RB1: variants seen among roughly 807,000 people sequenced by gnomAD.
RB1 encodes the protein RB transcriptional corepressor 1.
A neutral mutation model predicts 135.4 loss-of-function variants in RB1; 18 were observed. The ratio of observed to expected loss-of-function variants is 0.13; its 90% CI spans 0.09 to 0.20. The LOEUF is 0.20. RB1 is among the 10% of genes least tolerant of loss of function. RB1 has a pLI of 1.00. For missense variants in RB1, 868 were observed against 1,110.0 expected, an observed-to-expected ratio of 0.78 and a Z score of 3.10; for synonymous variants, 365 against 373.2, an observed-to-expected ratio of 0.98 and a Z score of 0.25.
In RB1 at chr13:48,422,005, G is replaced by T. The variant is rs146268938; in HGVS notation, c.1696-30988G>T. On this transcript the variant is annotated intron_variant, in intron 17 of 26. Transcript: ENST00000267163. ...CCAGAAATACCATTTGACCCAGCAAGCCCATTACTGGGTATATACCCAAAG... is the reference window on the plus strand; with the variant it reads ...CCAGAAATACCATTTGACCCAGCAATCCCATTACTGGGTATATACCCAAAG... Among the ~76,000 whole-genome samples the T allele has an allele frequency of 7.9e-3, 1,197 of 152,162 alleles. 21 individuals carry two copies. The highest frequency in any genetic ancestry group is 6.4e-3 in the Non-Finnish European group (434 of 67,996).
At chr13:48,329,182 T>A (rs1307018795) in intron 2 of RB1, among the ~76,000 whole-genome samples, 1 of 152,230 alleles carries the variant, frequency 6.6e-6, no homozygotes, top group Non-Finnish European at 1.5e-5. Flanking sequence ...TTTCTACTTA[T>A]GTTCCTGTTT....
intron 2 of RB1, among the ~76,000 whole-genome samples, chr13:48,337,487 G>C (rs1333633937): frequency 6.6e-6 from 1 of 152,158 alleles, no homozygotes; most frequent in East Asian, 1.9e-4. Context: ...TTTTATCAGA[G>C]ACTAGGATTG....
rs112309527 is a variant in RB1, at chr13:48,417,904, G to C, written c.1696-35089G>C. On this transcript the variant is annotated intron_variant, in intron 17 of 26. Coordinates refer to ENST00000267163, the MANE Select transcript of RB1 (RefSeq NM_000321.3). ...GAAAAGACCAAACCTATGTTTGATTGTCCCTGTACCTGAAAGTGACAGGGA... is the reference window on the plus strand; with the variant it reads ...GAAAAGACCAAACCTATGTTTGATTCTCCCTGTACCTGAAAGTGACAGGGA... Among the ~76,000 whole-genome samples, 15 of 152,298 alleles carry C rather than the reference G, an allele frequency of 9.8e-5. No individual in the cohort carries two copies. The South Asian group carries it at 3.1e-3, about 32-fold the overall frequency.
At chr13:48,409,259 GA>G (rs1276511089) in intron 17 of RB1, among the ~76,000 whole-genome samples, 1 of 150,082 alleles carries the variant, frequency 6.7e-6, no homozygotes, top group Admixed American at 6.7e-5. Context: ...AGGCATTAAA[GA>G]TGTATTTTGC....
intron 17 of RB1, among the ~76,000 whole-genome samples, chr13:48,443,236 GA>G (rs1398711466): frequency 6.6e-6 from 1 of 151,272 alleles, no homozygotes; most frequent in Admixed American, 6.6e-5. Flanking sequence ...TTTTAGCTAA[GA>G]AAAAAGATTC....
At chr13:48,376,535 C>T (rs1952826627) in intron 12 of RB1, among the ~76,000 whole-genome samples, 1 of 151,138 alleles carries the variant, frequency 6.6e-6, no homozygotes, top group South Asian at 2.1e-4. Flanking sequence ...TAAATGATAC[C>T]AAGCTCAAGC....
intron 4 of RB1, among the ~76,000 whole-genome samples, chr13:48,346,370 ATGTGTGTG>A (rs61503219): frequency 0.054 from 7,075 of 131,050 alleles, 435 homozygotes; most frequent in African/African-American, 0.15. Context: ...TATTATATAT[ATGTGTGTG>A]TGTGTGTGTG....
In RB1 at chr13:48,474,375, C is replaced by T. The variant is rs79268311; in HGVS notation, c.2520+985C>T. Among the ~76,000 whole-genome samples, 456 of 152,270 alleles carry T rather than the reference C, an allele frequency of 3.0e-3. 4 individuals carry two copies. Among genetic ancestry groups the T allele is most frequent in the African/African-American group, 0.011 (443 of 41,550 alleles). On this transcript the variant is annotated intron_variant, in intron 24 of 26. Transcript: ENST00000267163. Reference sequence around the variant, plus strand: ...TCATTAGAACAAAAGATGGTCCCATCACCCTTATCACACATGAAATTCGAA... The same window carrying T: ...TCATTAGAACAAAAGATGGTCCCATTACCCTTATCACACATGAAATTCGAA...
At chr13:48,459,348 C>A (rs768110610) in intron 19 of RB1, among the ~76,000 whole-genome samples, 23 of 152,098 alleles carry the variant, frequency 1.5e-4, no homozygotes, top group Non-Finnish European at 3.2e-4. Flanking sequence ...CATAATGAAG[C>A]CTCCATAAAA....
chr13:48,429,464 A>C (rs1418181161), intron 17 of RB1: 3 of 152,218 alleles, frequency 2.0e-5, no homozygotes. Context: ...CCCAGGTCGG[A>C]AAGTAGAAGG....
chr13:48,462,563 G>A (rs926308678), intron 20 of RB1, among the ~76,000 whole-genome samples: 1 of 152,088 alleles, frequency 6.6e-6, no homozygotes, highest in African/African-American at 2.4e-5. Flanking sequence ...TCACTTTCTT[G>A]TTAGTGTCCT....
chr13:48,411,974 G>A (rs745453540), intron 17 of RB1: 20 of 1,602,194 alleles, frequency 1.2e-5, no homozygotes, highest in Admixed American at 1.7e-5. Flanking sequence ...CAAAAACGGC[G>A]GGTGCACTTC....
intron 17 of RB1, chr13:48,412,071 A>G: frequency 6.4e-7 from 1 of 1,551,004 alleles, no homozygotes; most frequent in Non-Finnish European, 8.7e-7. Context: ...TGGGTAGACA[A>G]TTGCCAGAAA....
At chr13:48,332,114 G>A (rs995729157) in intron 2 of RB1, among the ~76,000 whole-genome samples, 12 of 152,272 alleles carry the variant, frequency 7.9e-5, no homozygotes, top group African/African-American at 2.6e-4. Context: ...ACATTATGTT[G>A]TATTAGTCAG....
chr13:48,407,771 A>G (rs1366044402), intron 17 of RB1, among the ~76,000 whole-genome samples: 2 of 152,148 alleles, frequency 1.3e-5, no homozygotes, highest in African/African-American at 2.4e-5. Flanking sequence ...CTTTTTAAAA[A>G]GTTTGTTTTT....
Position 48,336,068 on chromosome 13 carries a change from G to A in RB1, c.265-6531G>A, listed in dbSNP as rs146547314. 1.3e-4 allele frequency among the ~76,000 whole-genome samples: 20 copies of A among 152,164 alleles called. No homozygotes were observed. The East Asian group carries it at 3.9e-3, about 29-fold the overall frequency. On this transcript the variant is annotated intron_variant, in intron 2 of 26. Coordinates refer to ENST00000267163, the MANE Select transcript of RB1 (RefSeq NM_000321.3). ...GGAGGTATACTGAAGGAGAAAAATT[G>A]CAACAGTGTCAGATGCTGCATAGAG...
At chr13:48,387,330 T>C (rs1213796253) in intron 17 of RB1, among the ~76,000 whole-genome samples, 2 of 152,208 alleles carry the variant, frequency 1.3e-5, no homozygotes, top group Non-Finnish European at 2.9e-5. Flanking sequence ...TCTCAAGTTC[T>C]TTTGAGCCCT....
At chr13:48,328,770 C>T (rs1952309753) in intron 2 of RB1, among the ~76,000 whole-genome samples, 1 of 152,174 alleles carries the variant, frequency 6.6e-6, no homozygotes, top group Non-Finnish European at 1.5e-5. Context: ...GCTATAACAC[C>T]TCTCTCATAG....
At chr13:48,479,129 G>C (rs1032858057) in intron 26 of RB1, among the ~76,000 whole-genome samples, 3 of 152,044 alleles carry the variant, frequency 2.0e-5, no homozygotes, top group Non-Finnish European at 4.4e-5. Flanking sequence ...TGGAGAGGCT[G>C]AGGTGAGAGA....
Sources: allele counts gnomAD v4.1 joint callset (sites outside exome capture counted in the v4.1 genomes callset), GRCh38; gene constraint gnomAD v4.1.1; transcripts MANE v1.5; gene names NCBI Gene and HGNC (gene_info 2026-07-23, HGNC 2026-07-21).